The following POLR3B variants were observed in gnomAD, a reference collection of about 807,000 sequenced individuals.
The protein encoded by POLR3B is DNA-directed RNA polymerase III subunit RPC2.
Under a neutral mutation model 147.4 loss-of-function variants are expected in POLR3B, and 96 were observed. That is an observed-to-expected ratio of 0.65 (90% CI 0.55 to 0.77). The LOEUF (loss-of-function observed/expected upper bound fraction) is 0.77. POLR3B is among the 30% of genes least tolerant of loss of function. The pLI is 0.00. For missense variants in POLR3B, 1,036 were observed against 1,413.5 expected (o/e 0.73, Z 4.28); for synonymous variants, 461 against 485.9 (o/e 0.95, Z 0.67).
chr12:106,433,018 T>C (rs993543993), intron 15 of POLR3B, among the ~76,000 whole-genome samples: 5 of 152,184 alleles, frequency 3.3e-5, no homozygotes, highest in African/African-American at 1.2e-4. Context: ...GATTTGGTGC[T>C]GTGTGCCTGT....
chr12:106,411,740 G>C (rs1333324201), intron 12 of POLR3B, among the ~76,000 whole-genome samples: 4 of 152,024 alleles, frequency 2.6e-5, no homozygotes, highest in Non-Finnish European at 4.4e-5. Flanking sequence ...AGGTTAGTGA[G>C]GATATCTCTA....
Position 106,500,218 on chromosome 12 carries a change from AT to A in POLR3B, c.2985-1099del, listed in dbSNP as rs761591274. On this transcript the variant is annotated intron_variant, in intron 25 of 27. Transcript: ENST00000228347. ...GAAAGTTTGAGGCAGTTAAAAAAAA[AT>A]TTTTTAAGACATCAGTTCTCTGGTT... is the stretch of plus-strand genomic sequence containing the variant. The A allele has an allele frequency of 3.5e-4, 160 of 453,658 alleles. 4 individuals carry two copies. The highest frequency in any genetic ancestry group is 2.5e-3 in the South Asian group (158 of 64,152). 28.1% of individuals were successfully genotyped at this position (453,658 alleles called of 1,614,324 possible). A position where few individuals can be genotyped will look rare whatever the true frequency, so the allele number is the denominator to read the frequency against.
In POLR3B at chr12:106,472,572, A is replaced by T. The variant is rs893849282; in HGVS notation, c.2713+8952A>T. Among the ~76,000 whole-genome samples the T allele has an allele frequency of 5.3e-5, 8 of 151,274 alleles. No individual in the cohort carries two copies. The East Asian group carries it at 7.8e-4, about 15-fold the overall frequency. ...TTGCCATTCTAACTGGTGTGAGATG[A>T]TATCTCATAGTGCTTTTGATTTGCA... On this transcript the variant is annotated intron_variant, in intron 23 of 27. Transcript: ENST00000228347.
chr12:106,407,843 C>T (rs966923613), intron 11 of POLR3B, among the ~76,000 whole-genome samples: 1 of 151,858 alleles, frequency 6.6e-6, no homozygotes, highest in Non-Finnish European at 1.5e-5. Flanking sequence ...AAAAAAAAAT[C>T]ATTTGTGCTT....
chr12:106,387,656 A>G (rs561989679), intron 9 of POLR3B, among the ~76,000 whole-genome samples: 3 of 152,322 alleles, frequency 2.0e-5, no homozygotes, highest in Non-Finnish European at 4.4e-5. Context: ...TTTGATAACC[A>G]CTATTTAGAC....
intron 11 of POLR3B, among the ~76,000 whole-genome samples, chr12:106,406,662 G>A (rs2037155533): frequency 6.6e-6 from 1 of 152,174 alleles, no homozygotes; most frequent in Admixed American, 6.5e-5. Flanking sequence ...AGTGGTAAGA[G>A]TAAGGGTTAG....
At chr12:106,377,667 C>A (rs2036699366) in intron 7 of POLR3B, among the ~76,000 whole-genome samples, 1 of 152,184 alleles carries the variant, frequency 6.6e-6, no homozygotes, top group South Asian at 2.1e-4. Flanking sequence ...ATTTATTTAA[C>A]TATTTTTTTC....
intron 10 of POLR3B, among the ~76,000 whole-genome samples, chr12:106,399,853 G>A (rs1016719434): frequency 1.3e-5 from 2 of 152,052 alleles, no homozygotes; most frequent in African/African-American, 4.8e-5. Context: ...GGAACAACCG[G>A]TAACTGGTAC....
intron 9 of POLR3B, among the ~76,000 whole-genome samples, chr12:106,388,455 T>C (rs2036870537): frequency 6.6e-6 from 1 of 152,052 alleles, no homozygotes; most frequent in South Asian, 2.1e-4. Flanking sequence ...GTAGCTGGGA[T>C]TACAGGCATG....
intron 27 of POLR3B, among the ~76,000 whole-genome samples, chr12:106,506,382 C>T (rs2038688228): frequency 6.6e-6 from 1 of 151,972 alleles, no homozygotes; most frequent in Non-Finnish European, 1.5e-5. Flanking sequence ...TCTCTTCCTC[C>T]CCCTTGCATT....
intron 13 of POLR3B, among the ~76,000 whole-genome samples, chr12:106,429,029 C>G (rs1160158162): frequency 1.3e-5 from 2 of 152,096 alleles, no homozygotes; most frequent in East Asian, 1.9e-4. Context: ...AATTTTTGTT[C>G]TTGTTTCTAT....
Position 106,446,547 on chromosome 12 carries a change from G to A in POLR3B, c.2083+1957G>A, listed in dbSNP as rs188337373. 5.3e-5 allele frequency among the ~76,000 whole-genome samples: 8 copies of A among 152,198 alleles called. 1 individual carries two copies. Among genetic ancestry groups the A allele is most frequent in the African/African-American group, 1.9e-4 (8 of 41,542 alleles). ...AGAAAGCCAGTTCAGTGTCTGTAGA[G>A]TTCTTTTGTAGTTTTCTGTGTGAAG... On this transcript the variant is annotated intron_variant, in intron 19 of 27. Coordinates refer to ENST00000228347, the MANE Select transcript of POLR3B (RefSeq NM_018082.6).
chr12:106,394,547 G>T (rs770901359), intron 10 of POLR3B, among the ~76,000 whole-genome samples: 6 of 152,168 alleles, frequency 3.9e-5, no homozygotes, highest in Non-Finnish European at 8.8e-5. Flanking sequence ...TTACCTTAAT[G>T]GTTCCTCAGT....
At chr12:106,508,758 A>G (rs2038729321) in intron 27 of POLR3B, among the ~76,000 whole-genome samples, 1 of 152,232 alleles carries the variant, frequency 6.6e-6, no homozygotes, top group East Asian at 1.9e-4. Context: ...GTGCACATGC[A>G]CACATACACA....
At chr12:106,446,249 G>A in intron 19 of POLR3B, 1 of 455,984 alleles carries the variant, frequency 2.2e-6, no homozygotes, top group South Asian at 1.5e-5. Context: ...AGAACCTTCA[G>A]CAGAATTAAC....
chr12:106,458,810 A>G (rs1026465608), intron 21 of POLR3B, among the ~76,000 whole-genome samples: 10 of 152,212 alleles, frequency 6.6e-5, no homozygotes, highest in Middle Eastern at 3.2e-3. Flanking sequence ...CAAAGCAAAA[A>G]TGGGAATAAC....
chr12:106,377,703 C>T lies in POLR3B; in HGVS notation c.497-564C>T, dbSNP rs1208689922. On this transcript the variant is annotated intron_variant, in intron 7 of 27. Coordinates refer to ENST00000228347, the MANE Select transcript of POLR3B (RefSeq NM_018082.6). ...ATTCACTTTTTACATATGTCAGGGG[C>T]GGGTGATTCATAGACCAATAAGATA... Among the ~76,000 whole-genome samples, 6 of 152,216 alleles carry T rather than the reference C, an allele frequency of 3.9e-5. No homozygotes were observed. In the East Asian group the frequency reaches 5.8e-4, roughly 15 times the overall value.
At chr12:106,448,325 G>A (rs992980041) in intron 19 of POLR3B, among the ~76,000 whole-genome samples, 2 of 151,254 alleles carry the variant, frequency 1.3e-5, no homozygotes, top group African/African-American at 4.9e-5. Flanking sequence ...TAATATTACA[G>A]GGTAATAAGG....
Position 106,398,274 on chromosome 12 carries a change from G to A in POLR3B, c.846+5121G>A, listed in dbSNP as rs554809953. On this transcript the variant is annotated intron_variant, in intron 10 of 27. Transcript: ENST00000228347. ...TGAGATCAAACTGCAAGGCGGCAGC[G>A]AGGCTGGGGGAGGGGCGCCCACCAT... 3.0e-3 allele frequency among the ~76,000 whole-genome samples: 450 copies of A among 152,308 alleles called. 1 individual carries two copies. Among genetic ancestry groups the A allele is most frequent in the African/African-American group, 9.1e-3 (380 of 41,578 alleles).
Sources: gnomAD v4.1 joint callset for allele counts (sites outside exome capture counted in the v4.1 genomes callset) on GRCh38, gnomAD v4.1.1 for gene constraint, MANE v1.5 for transcripts, NCBI Gene and HGNC (gene_info 2026-07-23, HGNC 2026-07-21) for gene names.